Variants in ATF5 observed in about 807,000 individuals in gnomAD.
ATF5 encodes the protein activating transcription factor 5.
In ATF5, 6 loss-of-function variants were observed where a neutral mutation model predicts 4.6. That is an observed-to-expected ratio of 1.31 (90% CI 0.72 to 2.59). ATF5 has a LOEUF of 2.59. Among genes scored for constraint, ATF5 ranks in the 30% most tolerant of loss-of-function variants. The pLI is 0.00. For missense variants in ATF5, 410 were observed against 368.7 expected, an observed-to-expected ratio of 1.11 and a Z score of -0.92; for synonymous variants, 193 against 165.0, an observed-to-expected ratio of 1.17 and a Z score of -1.30.
rs2076051822 is a variant in ATF5, at chr19:49,930,954, C to T, written c.104C>T (p.Ala35Val). Residue 35 changes from alanine (A) to valine (V), a missense_variant, in exon 2 of 3, where the codon GCC (alanine) becomes GTC (valine). Physicochemically the swap from Ala to Val is moderately conservative, Grantham distance 64. Coordinates refer to ENST00000423777, the MANE Select transcript of ATF5 (RefSeq NM_001193646.2). Reference sequence around the variant, plus strand: ...TATGGGAAACTCCCCCCGGCCCCTGCCCCCCTGGCTCCCTATGAGGTCCTT... The same window carrying T: ...TATGGGAAACTCCCCCCGGCCCCTGTCCCCCTGGCTCCCTATGAGGTCCTT... Reference protein sequence around the residue: ...VDYGKLPPAPAPLAPYEVLGG... With the variant: ...VDYGKLPPAPVPLAPYEVLGG... 6.3e-7 allele frequency: 1 copy of T among 1,595,066 alleles called. No individual in the cohort carries two copies. Among genetic ancestry groups the T allele is most frequent in the Middle Eastern group, 1.7e-4 (1 of 5,896 alleles).
Position 49,930,968 on chromosome 19 carries a change from T to C in ATF5, c.118T>C (p.Tyr40His). 1 of 1,588,982 alleles carries C rather than the reference T, an allele frequency of 6.3e-7. No individual in the cohort carries two copies. The highest frequency in any genetic ancestry group is 1.1e-5 in the South Asian group (1 of 87,240). ...LPPAPAPLAP[Y>H]EVLGGALEGG... ...CCCGGCCCCTGCCCCCCTGGCTCCCTATGAGGTCCTTGGGGGAGCCCTGGA... is the reference window on the plus strand; with the variant it reads ...CCCGGCCCCTGCCCCCCTGGCTCCCCATGAGGTCCTTGGGGGAGCCCTGGA... The change falls in exon 2 of 3, where the codon TAT (tyrosine) becomes CAT (histidine). Residue 40 changes from tyrosine to histidine, a missense_variant. Tyr to His is a moderately conservative substitution (Grantham distance 83). Transcript: ENST00000423777.
In ATF5 at chr19:49,932,500, G is replaced by GCCCCCCCCCCCC; in HGVS notation, c.258_259insCCCCCCCCCCCC (p.Gly86_Thr87insProProProPro). 3.5e-6 allele frequency: 5 copies of GCCCCCCCCCCCC among 1,430,916 alleles called. No individual in the cohort carries two copies. The highest frequency in any genetic ancestry group is 2.3e-5 in the South Asian group (2 of 86,692). The allele number at this position is 1,430,916 out of a possible 1,614,324, so 88.6% of individuals were successfully genotyped here. A position where few individuals can be genotyped will look rare whatever the true frequency, so the allele number is the denominator to read the frequency against. On this transcript the variant is annotated inframe_insertion, in exon 3 of 3. Coordinates refer to ENST00000423777, the MANE Select transcript of ATF5 (RefSeq NM_001193646.2). ...CCTCTGGAGCCTCCCTTACCCCCCG[G>GCCCCCCCCCCCC]CACCCTCCCCCAACCTTCCCCAACC...
chr19:49,929,664 T>TC, intron 1 of ATF5: 1 of 151,948 alleles, frequency 6.6e-6, no homozygotes, highest in Non-Finnish European at 1.5e-5. Context: ...TTTTTTTTTT[T>TC]CTAAACGATT....
chr19:49,933,401 C>T lies in ATF5; in HGVS notation c.*309C>T. On this transcript the variant is annotated 3_prime_UTR_variant, in exon 3 of 3. Coordinates refer to ENST00000423777, the MANE Select transcript of ATF5 (RefSeq NM_001193646.2). ...TGCTTATCACCTCTCTTGCGTATTT[C>T]TGGATCTCCTTCCCTCCTTTCTCGT... The T allele has an allele frequency of 3.6e-6, 1 of 280,474 alleles. No homozygotes were observed. Among genetic ancestry groups the T allele is most frequent in the South Asian group, 1.4e-4 (1 of 7,022 alleles). The allele number at this position is 280,474 out of a possible 1,614,324, so 17.4% of individuals were successfully genotyped here.
chr19:49,932,936 A>AGAGGGTGAGGCCCTG lies in ATF5; in HGVS notation c.699_713dup (p.Ala235_Glu239dup). The AGAGGGTGAGGCCCTG allele has an allele frequency of 1.2e-6, 2 of 1,613,988 alleles. No homozygotes were observed. The highest frequency in any genetic ancestry group is 1.7e-6 in the Non-Finnish European group (2 of 1,179,950). ...TGAGGTACCGCCAGCGGAAGCGGGC[A>AGAGGGTGAGGCCCTG]GAGGGTGAGGCCCTGGAGGGCGAGT... On this transcript the variant is annotated inframe_insertion, in exon 3 of 3. Transcript: ENST00000423777.
At chr19:49,931,133 C>G in intron 2 of ATF5, 105 bp downstream of exon 2, 5 of 1,074,622 alleles carry the variant, frequency 4.7e-6, no homozygotes, top group Non-Finnish European at 5.2e-6. Context: ...TACAATGTGC[C>G]AGGCACTGTT....
chr19:49,932,312 T>C, intron 2 of ATF5, 110 bp from the exon 3 acceptor site: 1 of 1,034,524 alleles, frequency 9.7e-7, no homozygotes, highest in East Asian at 2.4e-5. Context: ...GTTAGTTGTT[T>C]TACTGAATGA....
At chr19:49,929,124 G>C (rs1198997526), upstream of ATF5, 1 of 151,962 alleles carries the variant, frequency 6.6e-6, no homozygotes, top group African/African-American at 2.4e-5. Context: ...GGGGCCGCGC[G>C]AGGGCGGGGC....
chr19:49,931,229 A>G, intron 2 of ATF5: 1 of 439,408 alleles, frequency 2.3e-6, no homozygotes. Flanking sequence ...GACCAGAGAT[A>G]AATTAAATGA....
intron 2 of ATF5, chr19:49,931,333 CAAGTAGGT>C (rs1331999719): frequency 2.5e-6 from 1 of 399,064 alleles, no homozygotes; most frequent in Non-Finnish European, 4.4e-6. Flanking sequence ...AAACCTTCTC[CAAGTAGGT>C]AACATGTTGA....
In ATF5 at chr19:49,933,146, C is replaced by T; in HGVS notation, c.*54C>T. 1.3e-6 allele frequency: 2 copies of T among 1,487,754 alleles called. No individual in the cohort carries two copies. Among genetic ancestry groups the T allele is most frequent in the East Asian group, 2.4e-5 (1 of 42,092 alleles). The allele number at this position is 1,487,754 out of a possible 1,614,324, so 92.2% of individuals were successfully genotyped here. On this transcript the variant is annotated 3_prime_UTR_variant, in exon 3 of 3. Coordinates refer to ENST00000423777, the MANE Select transcript of ATF5 (RefSeq NM_001193646.2). Reference sequence around the variant, plus strand: ...GGTCTTCAGCTCTGGCGCCTTCATCCCCCTGCCTCTACCTTCATTCCAAAC... The same window carrying T: ...GGTCTTCAGCTCTGGCGCCTTCATCTCCCTGCCTCTACCTTCATTCCAAAC...
rs773425813 is a variant in ATF5, at chr19:49,932,404, TCCC to T, written c.179-16_179-14del. ...AGCAACTCAGGGAATTTTGTGTCCC[TCCC>T]CACTTTAATCCCAGGTGATGGCTTC... On this transcript the variant is annotated splice_polypyrimidine_tract_variant and intron_variant, in intron 2 of 2. Transcript: ENST00000423777. The T allele has an allele frequency of 6.2e-7, 1 of 1,613,860 alleles. No individual in the cohort carries two copies. The highest frequency in any genetic ancestry group is 1.7e-5 in the Admixed American group (1 of 59,990).
Position 49,931,019 on chromosome 19 carries a change from C to A in ATF5, c.169C>A (p.Pro57Thr). Residue 57 changes from proline (P) to threonine (T), a missense_variant, in exon 2 of 3, where the codon CCC (proline) becomes ACC (threonine). Coordinates refer to ENST00000423777, the MANE Select transcript of ATF5 (RefSeq NM_001193646.2). The stretch of plus-strand genomic sequence containing the variant: ...GGGCGGGCTTCCAGTGGGGGGAGAG[C>A]CCCTGGCAGGTAAGGGCAGGTGGAA... ...LEGGLPVGGE[P>T]LAGDGFSDWM... 1 of 1,541,348 alleles carries A rather than the reference C, an allele frequency of 6.5e-7. No homozygotes were observed.
Position 49,930,961 on chromosome 19 carries a change from G to A in ATF5, c.111G>A (p.Leu37=), listed in dbSNP as rs2076052279. ...YGKLPPAPAP[L]APYEVLGGAL... The stretch of plus-strand genomic sequence containing the variant: ...AACTCCCCCCGGCCCCTGCCCCCCT[G>A]GCTCCCTATGAGGTCCTTGGGGGAG... The change falls in exon 2 of 3, where the codon CTG becomes CTA. Residue 37 remains leucine (L), a synonymous_variant. Transcript: ENST00000423777. 1 of 1,592,284 alleles carries A rather than the reference G, an allele frequency of 6.3e-7. No individual in the cohort carries two copies. Among genetic ancestry groups the A allele is most frequent in the South Asian group, 1.1e-5 (1 of 87,562 alleles).
At chr19:49,932,315 C>A in intron 2 of ATF5, 107 bp from the exon 3 acceptor site, 4 of 1,068,918 alleles carry the variant, frequency 3.7e-6, no homozygotes, top group Non-Finnish European at 5.8e-6. Context: ...AGTTGTTTTA[C>A]TGAATGAATG....
chr19:49,931,227 A>T, intron 2 of ATF5, 199 bp downstream of exon 2: 2 of 442,756 alleles, frequency 4.5e-6, no homozygotes, highest in Non-Finnish European at 7.9e-6. Flanking sequence ...TAGACCAGAG[A>T]TAAATTAAAT....
Position 49,930,970 on chromosome 19 carries a change from T to A in ATF5, c.120T>A (p.Tyr40Ter). 6.3e-7 allele frequency: 1 copy of A among 1,588,172 alleles called. No homozygotes were observed. Among genetic ancestry groups the A allele is most frequent in the South Asian group, 1.1e-5 (1 of 87,186 alleles). Residue 40 changes from tyrosine (Y) to a stop codon, truncating the protein, a stop_gained, in exon 2 of 3, where the codon TAT becomes TAA. Coordinates refer to ENST00000423777, the MANE Select transcript of ATF5 (RefSeq NM_001193646.2). LOFTEE classifies it high-confidence loss of function. ...CGGCCCCTGCCCCCCTGGCTCCCTA[T>A]GAGGTCCTTGGGGGAGCCCTGGAGG... ...LPPAPAPLAPYEVLGGALEGG... is the reference protein window; with the variant it reads ...LPPAPAPLAP
Position 49,932,939 on chromosome 19 carries a change from G to T in ATF5, c.696G>T (p.Glu232Asp). ...GGTACCGCCAGCGGAAGCGGGCAGA[G>T]GGTGAGGCCCTGGAGGGCGAGTGCC... is the stretch of plus-strand genomic sequence containing the variant. ...ALRYRQRKRAEGEALEGECQG... is the reference protein window; with the variant it reads ...ALRYRQRKRADGEALEGECQG... The change falls in exon 3 of 3, where the codon GAG (glutamate) becomes GAT (aspartate). Residue 232 changes from glutamate to aspartate, a missense_variant. Physicochemically the swap from Glu to Asp is conservative, Grantham distance 45 (BLOSUM62 2). Transcript: ENST00000423777. 6.2e-7 allele frequency: 1 copy of T among 1,613,994 alleles called. No homozygotes were observed. Among genetic ancestry groups the T allele is most frequent in the Non-Finnish European group, 8.5e-7 (1 of 1,179,938 alleles).
In ATF5 at chr19:49,932,495, C is replaced by T. The variant is rs1454327997; in HGVS notation, c.252C>T (p.Pro84=). The change falls in exon 3 of 3, where the codon CCC becomes CCT. Residue 84 remains proline, a synonymous_variant. Transcript: ENST00000423777. ...TALLPLEPPL[P]PGTLPQPSPT... ...TCCTCCCTCTGGAGCCTCCCTTACC[C>T]CCCGGCACCCTCCCCCAACCTTCCC... 1.2e-6 allele frequency: 2 copies of T among 1,608,278 alleles called. No homozygotes were observed. The highest frequency in any genetic ancestry group is 4.5e-5 in the East Asian group (2 of 44,722).
Sources: gnomAD v4.1 joint callset for allele counts on GRCh38, gnomAD v4.1.1 for gene constraint, MANE v1.5 for transcripts, NCBI Gene and HGNC (gene_info 2026-07-23, HGNC 2026-07-21) for gene names.